The following OXR1 variants were observed in gnomAD, a reference collection of about 807,000 sequenced individuals.
OXR1 encodes the protein oxidation resistance 1.
In OXR1, 41 loss-of-function variants were observed where a neutral mutation model predicts 104.6. That is an observed-to-expected ratio of 0.39 (90% CI 0.31 to 0.51). The LOEUF is 0.51. Among genes scored for constraint, OXR1 ranks in the 20% least tolerant of loss-of-function variants. OXR1 has a pLI of 0.77. For missense variants in OXR1, 955 were observed against 1,031.9 expected (o/e 0.93, Z 1.02); for synonymous variants, 348 against 348.4 (o/e 1.00, Z 0.01).
Position 106,707,135 on chromosome 8 carries a change from A to C in OXR1, c.1614A>C (p.Gly538=). 6.2e-7 allele frequency: 1 copy of C among 1,613,084 alleles called. No homozygotes were observed. The highest frequency in any genetic ancestry group is 8.5e-7 in the Non-Finnish European group (1 of 1,179,210). Residue 538 remains glycine, a synonymous_variant, in exon 9 of 17, where the codon GGA becomes GGC. Coordinates refer to ENST00000517566, the MANE Select transcript of OXR1 (RefSeq NM_001198533.2). ...AGCATAAAATTACATCTGCTGATGG[A>C]CACATAGAAAGTAAGTGTTATAGAG... ...EAKHKITSAD[G]HIESSALLKE...
intron 2 of OXR1, among the ~76,000 whole-genome samples, chr8:106,492,183 T>C (rs965010848): frequency 6.6e-6 from 1 of 152,210 alleles, no homozygotes; most frequent in East Asian, 1.9e-4. Flanking sequence ...GGGTCACAGT[T>C]TGGGAATGAC....
Position 106,726,206 on chromosome 8 carries a change from AC to A in OXR1, c.1957-11313del, listed in dbSNP as rs1333979332. ...AAGAATGCTTTTGAAAACAGTTCTT[AC>A]GTGATTTTATGTAACTTAATTTGCC... On this transcript the variant is annotated intron_variant, in intron 11 of 16. Transcript: ENST00000517566. 1.3e-5 allele frequency: 19 copies of A among 1,512,956 alleles called. No homozygotes were observed. In the East Asian group the frequency reaches 4.7e-4, roughly 37 times the overall value. 93.7% of individuals were successfully genotyped at this position (1,512,956 alleles called of 1,614,324 possible).
At chr8:106,393,981 A>C (rs145172994) in intron 2 of OXR1, among the ~76,000 whole-genome samples, 1 of 152,100 alleles carries the variant, frequency 6.6e-6, no homozygotes, top group Non-Finnish European at 1.5e-5. Flanking sequence ...TTTAACATAC[A>C]TTTTAAGATA....
intron 1 of OXR1, among the ~76,000 whole-genome samples, chr8:106,297,804 C>T (rs528472375): frequency 3.9e-4 from 59 of 152,214 alleles, no homozygotes; most frequent in African/African-American, 1.3e-3. Flanking sequence ...CAAACATGCA[C>T]AACTCTTTGC....
chr8:106,427,409 T>G (rs895294065), intron 2 of OXR1, among the ~76,000 whole-genome samples: 4 of 152,074 alleles, frequency 2.6e-5, no homozygotes, highest in African/African-American at 4.8e-5. Flanking sequence ...CCTCGTGATC[T>G]GCCCGCCTCA....
intron 3 of OXR1, among the ~76,000 whole-genome samples, chr8:106,665,611 G>A (rs1273756882): frequency 6.6e-6 from 1 of 152,084 alleles, no homozygotes; most frequent in Non-Finnish European, 1.5e-5. Flanking sequence ...AGGGAAAGTA[G>A]GTTTTTATAT....
At chr8:106,393,981 A>G (rs145172994) in intron 2 of OXR1, among the ~76,000 whole-genome samples, 2 of 152,218 alleles carry the variant, frequency 1.3e-5, no homozygotes, top group African/African-American at 2.4e-5. Flanking sequence ...TTTAACATAC[A>G]TTTTAAGATA....
At chr8:106,518,678 T>A (rs539166239) in intron 2 of OXR1, among the ~76,000 whole-genome samples, 158 of 152,312 alleles carry the variant, frequency 1.0e-3, no homozygotes, top group African/African-American at 3.7e-3. Context: ...TTTTAATTGG[T>A]TATTGAAAAA....
chr8:106,508,587 A>G (rs367942574), intron 2 of OXR1, among the ~76,000 whole-genome samples: 2 of 152,358 alleles, frequency 1.3e-5, no homozygotes, highest in African/African-American at 2.4e-5. Flanking sequence ...CAGTAATGCA[A>G]TCGTACATTT....
intron 3 of OXR1, among the ~76,000 whole-genome samples, chr8:106,626,256 C>T (rs977664508): frequency 1.3e-5 from 2 of 151,636 alleles, no homozygotes; most frequent in South Asian, 4.1e-4. Flanking sequence ...ATATTATTTA[C>T]TGACTCAACT....
At chr8:106,575,388 A>T (rs564612047) in intron 3 of OXR1, among the ~76,000 whole-genome samples, 1 of 152,256 alleles carries the variant, frequency 6.6e-6, no homozygotes, top group East Asian at 1.9e-4. Context: ...CCTCACTAGC[A>T]TTATTACAAT....
At chr8:106,310,425 G>A (rs997604977) in intron 1 of OXR1, among the ~76,000 whole-genome samples, 1 of 152,066 alleles carries the variant, frequency 6.6e-6, no homozygotes, top group African/African-American at 2.4e-5. Flanking sequence ...CTGTAATTCT[G>A]CTGCGCCACT....
At chr8:106,337,149 A>G (rs913356306) in intron 1 of OXR1, among the ~76,000 whole-genome samples, 3 of 152,332 alleles carry the variant, frequency 2.0e-5, no homozygotes, top group Non-Finnish European at 2.9e-5. Context: ...ATGAGATTTT[A>G]ATTGTGCTTT....
chr8:106,485,639 G>T (rs979766985), intron 2 of OXR1, among the ~76,000 whole-genome samples: 1 of 151,990 alleles, frequency 6.6e-6, no homozygotes. Context: ...CAAAGGATGC[G>T]AAATCAGTAT....
At chr8:106,692,356 T>C (rs542666685) in intron 6 of OXR1, among the ~76,000 whole-genome samples, 1 of 152,092 alleles carries the variant, frequency 6.6e-6, no homozygotes, top group Admixed American at 6.6e-5. Context: ...CTTATCAGAG[T>C]CAGTGGTTTA....
intron 2 of OXR1, among the ~76,000 whole-genome samples, chr8:106,367,343 A>G (rs1017549058): frequency 2.4e-4 from 36 of 152,008 alleles, no homozygotes; most frequent in African/African-American, 8.7e-4. Context: ...GATTACAGAC[A>G]TGAGCCACCA....
chr8:106,444,075 A>G (rs1411947285), intron 2 of OXR1, among the ~76,000 whole-genome samples: 2 of 152,226 alleles, frequency 1.3e-5, no homozygotes, highest in Admixed American at 1.3e-4. Context: ...TACATGGTCA[A>G]CAAACGTATG....
chr8:106,340,232 A>AG (rs1027674437), intron 1 of OXR1, among the ~76,000 whole-genome samples: 2 of 152,092 alleles, frequency 1.3e-5, no homozygotes, highest in African/African-American at 4.8e-5. Context: ...AAAAAAAAAA[A>AG]AAACCTTCTG....
intron 3 of OXR1, among the ~76,000 whole-genome samples, chr8:106,528,646 C>G (rs1813867223): frequency 6.6e-6 from 1 of 152,170 alleles, no homozygotes; most frequent in African/African-American, 2.4e-5. Context: ...CATCACATAA[C>G]TTGTACGCCT....
Sources: gnomAD v4.1 joint callset for allele counts (sites outside exome capture counted in the v4.1 genomes callset) on GRCh38, gnomAD v4.1.1 for gene constraint, MANE v1.5 for transcripts, NCBI Gene and HGNC (gene_info 2026-07-23, HGNC 2026-07-21) for gene names.